SAMD8: variants seen among roughly 807,000 people sequenced by gnomAD.
SAMD8 encodes sphingomyelin synthase-related protein 1.
SAMD8 carries 20 observed loss-of-function variants against 42.0 expected under a neutral mutation model. The observed-to-expected ratio is 0.48, with a 90% CI of 0.34 to 0.69. The LOEUF is 0.69. Among genes scored for constraint, SAMD8 ranks in the 30% least tolerant of loss-of-function variants. The pLI, the probability that SAMD8 is intolerant of heterozygous loss-of-function variation, is 0.01. For synonymous variants in SAMD8, 162 were observed against 173.0 expected (o/e 0.94, Z 0.50); for missense variants, 328 against 511.6 (o/e 0.64, Z 3.46).
chr10:75,158,819 A>G (rs1188675016), intron 2 of SAMD8, among the ~76,000 whole-genome samples: 1 of 152,172 alleles, frequency 6.6e-6, no homozygotes, highest in Non-Finnish European at 1.5e-5. Context: ...GAACCATACA[A>G]TATCGGGTCT....
In SAMD8 at chr10:75,179,761, G is replaced by C. The variant is rs1368941807; in HGVS notation, c.*3069G>C. 6.6e-6 allele frequency: 1 copy of C among 152,124 alleles called. No homozygotes were observed. The highest frequency in any genetic ancestry group is 1.5e-5 in the Non-Finnish European group (1 of 68,034). 9.4% of individuals were successfully genotyped at this position (152,124 alleles called of 1,614,324 possible). A position where few individuals can be genotyped will look rare whatever the true frequency, so the allele number is the denominator to read the frequency against. On this transcript the variant is annotated 3_prime_UTR_variant, in exon 6 of 6. Coordinates refer to ENST00000542569, the MANE Select transcript of SAMD8 (RefSeq NM_001174156.2). ...TTTCCTGGTTAAAATCTAAACCATA[G>C]TGAAGATAGTATTTATGTTTACATT...
chr10:75,121,253 G>A (rs924150069), intron 1 of SAMD8, among the ~76,000 whole-genome samples: 9 of 152,208 alleles, frequency 5.9e-5, no homozygotes, highest in African/African-American at 2.2e-4. Context: ...TCACATAACT[G>A]TGAGTGGTAA....
intron 3 of SAMD8, 129 bp downstream of exon 3, chr10:75,164,869 C>T: frequency 2.9e-6 from 2 of 695,596 alleles, no homozygotes; most frequent in South Asian, 1.8e-5. Flanking sequence ...TAGTTATTAA[C>T]AAAGGATTTT....
chr10:75,102,887 G>T (rs1848263915), intron 1 of SAMD8, among the ~76,000 whole-genome samples: 1 of 152,176 alleles, frequency 6.6e-6, no homozygotes, highest in Non-Finnish European at 1.5e-5. Context: ...GGGAGGTGGG[G>T]GTTGTAGTGA....
intron 1 of SAMD8, among the ~76,000 whole-genome samples, chr10:75,106,101 C>CTTTTTTTTT (rs767630456): frequency 2.0e-4 from 25 of 122,988 alleles, no homozygotes; most frequent in Non-Finnish European, 3.8e-4. Flanking sequence ...TCTTTCTTTT[C>CTTTTTTTTT]TTTTTTTTTT....
At chr10:75,111,172 T>A (rs1394125163), upstream of SAMD8, among the ~76,000 whole-genome samples, 4 of 152,156 alleles carry the variant, frequency 2.6e-5, no homozygotes, top group Non-Finnish European at 4.4e-5. Flanking sequence ...TGTCAAAGAG[T>A]AAATGGGCAA....
upstream of SAMD8, chr10:75,109,103 G>A (rs1396774708): frequency 1.2e-6 from 2 of 1,611,790 alleles, no homozygotes; most frequent in Admixed American, 3.3e-5. Flanking sequence ...AGGATGCTGG[G>A]GCAAGGCGTG....
At chr10:75,144,264 G>A (rs1840087071) in intron 1 of SAMD8, among the ~76,000 whole-genome samples, 1 of 152,136 alleles carries the variant, frequency 6.6e-6, no homozygotes, top group Admixed American at 6.5e-5. Context: ...ACTGCTCCCG[G>A]CTGAAATGAT....
At chr10:75,122,692 G>A (rs1337313194) in intron 1 of SAMD8, among the ~76,000 whole-genome samples, 1 of 151,906 alleles carries the variant, frequency 6.6e-6, no homozygotes, top group African/African-American at 2.4e-5. Flanking sequence ...TTGGGAGGCT[G>A]ACAGGAATGG....
rs187767129 is a variant in SAMD8 at position 75,161,102 on chromosome 10, C to T, written c.579-3543C>T. Reference sequence around the variant, plus strand: ...ATCTACTTAAGCTTTTAGACCTGCTCTACTCTGACAGAAGACTAGTGGTCT... The same window carrying T: ...ATCTACTTAAGCTTTTAGACCTGCTTTACTCTGACAGAAGACTAGTGGTCT... On this transcript the variant is annotated intron_variant, in intron 2 of 5. Coordinates refer to ENST00000542569, the MANE Select transcript of SAMD8 (RefSeq NM_001174156.2). Among the ~76,000 whole-genome samples the T allele has an allele frequency of 1.1e-4, 16 of 152,240 alleles. No individual in the cohort carries two copies. The East Asian group carries it at 2.1e-3, about 20-fold the overall frequency.
chr10:75,111,568 A>ACCGCCC (rs1848768411), upstream of SAMD8: 1 of 1,248,958 alleles, frequency 8.0e-7, no homozygotes, highest in African/African-American at 1.6e-5. Context: ...CGCAGTCGCC[A>ACCGCCC]CCGCCCCCGC....
At chr10:75,114,961 G>A (rs1332488376) in intron 1 of SAMD8, among the ~76,000 whole-genome samples, 1 of 151,948 alleles carries the variant, frequency 6.6e-6, no homozygotes, top group African/African-American at 2.4e-5. Context: ...TTGAATGATT[G>A]TGGTATTTGG....
At chr10:75,102,331 T>C (rs1298479495) in intron 1 of SAMD8, among the ~76,000 whole-genome samples, 1 of 152,006 alleles carries the variant, frequency 6.6e-6, no homozygotes, top group Non-Finnish European at 1.5e-5. Context: ...TAGTCCCAGC[T>C]ACTCAGGAGG....
intron 2 of SAMD8, among the ~76,000 whole-genome samples, chr10:75,161,019 G>A (rs914835854): frequency 1.3e-5 from 2 of 152,074 alleles, no homozygotes; most frequent in Admixed American, 6.6e-5. Flanking sequence ...AGTTAGCCGC[G>A]ATTGCGCCAC....
chr10:75,135,359 A>G (rs1849369470), intron 1 of SAMD8, among the ~76,000 whole-genome samples: 1 of 151,672 alleles, frequency 6.6e-6, no homozygotes, highest in Non-Finnish European at 1.5e-5. Flanking sequence ...AGGCTGAGGC[A>G]GGAGAATCGC....
chr10:75,165,796 G>A (rs1015758963), intron 3 of SAMD8, among the ~76,000 whole-genome samples: 2 of 151,588 alleles, frequency 1.3e-5, no homozygotes, highest in Non-Finnish European at 2.9e-5. Context: ...GGAAACATGA[G>A]GAGACCCTGT....
At chr10:75,170,852 C>T (rs1249733672) in intron 4 of SAMD8, among the ~76,000 whole-genome samples, 2 of 146,448 alleles carry the variant, frequency 1.4e-5, no homozygotes, top group Non-Finnish European at 1.5e-5. Flanking sequence ...TGGCTCACTG[C>T]AACCTCCTCT....
In SAMD8 at chr10:75,176,146, C is replaced by T; in HGVS notation, c.873C>T (p.His291=). 1 of 1,614,112 alleles carries T rather than the reference C, an allele frequency of 6.2e-7. No individual in the cohort carries two copies. The highest frequency in any genetic ancestry group is 8.5e-7 in the Non-Finnish European group (1 of 1,180,000). The part of the protein sequence containing the change: ...SGFGMTLTGV[H]TCGDYMFSGH... ...TTGGTATGACCCTGACTGGCGTTCA[C>T]ACATGTGGAGATTACATGTTTAGTG... Residue 291 remains histidine, a synonymous_variant, in exon 5 of 6, where the codon CAC becomes CAT. Transcript: ENST00000542569. This position sits in a 1 kb window ranked among gnomAD's most constrained non-coding sequence, Gnocchi z 4.3.
intron 3 of SAMD8, among the ~76,000 whole-genome samples, chr10:75,167,642 G>A (rs1564695029): frequency 6.6e-6 from 1 of 151,966 alleles, no homozygotes; most frequent in African/African-American, 2.4e-5. Flanking sequence ...ACCCAAGCTA[G>A]AGTGCAGTGG....
Sources: gnomAD v4.1 joint callset for allele counts (sites outside exome capture counted in the v4.1 genomes callset) on GRCh38, gnomAD v4.1.1 for gene constraint, Gnocchi (gnomAD v3.1) non-coding constraint, MANE v1.5 for transcripts, NCBI Gene and HGNC (gene_info 2026-07-23, HGNC 2026-07-21) for gene names.